The following ATG9B variants were observed in gnomAD, a reference collection of about 807,000 sequenced individuals.
The protein encoded by ATG9B is autophagy related 9B, also known as autophagy-related protein 9B.
In ATG9B, 92 loss-of-function variants were observed where a neutral mutation model predicts 92.9. The ratio of observed to expected loss-of-function variants is 0.99; its 90% CI spans 0.84 to 1.18. The LOEUF (loss-of-function observed/expected upper bound fraction) is 1.18, where lower values mean the gene tolerates loss of function less well. Ranked by LOEUF, ATG9B falls within the 50% of genes most tolerant of loss-of-function variation. The pLI is 0.00. For missense variants in ATG9B, 1,344 were observed against 1,235.0 expected (o/e 1.09, Z -1.32); for synonymous variants, 599 against 551.4 (o/e 1.09, Z -1.21).
At chr7:151,023,423 G>C in intron 3 of ATG9B, 22 bp downstream of exon 3, 2 of 1,612,150 alleles carry the variant, frequency 1.2e-6, no homozygotes, top group Non-Finnish European at 1.7e-6. Flanking sequence ...ACCGAGTTCC[G>C]GGCCCGGGCT....
Position 151,018,301 on chromosome 7 carries a change from T to C in ATG9B, c.1865A>G (p.Tyr622Cys). 2 of 1,568,724 alleles carry C rather than the reference T, an allele frequency of 1.3e-6. No homozygotes were observed. Among genetic ancestry groups the C allele is most frequent in the Non-Finnish European group, 1.7e-6 (2 of 1,164,770 alleles). ...CGTCGCGCCCACCCTCACCGCTCGGTACTGCAGCAGCTGCGCCATCTGCCG... is the reference window on the plus strand; with the variant it reads ...CGTCGCGCCCACCCTCACCGCTCGGCACTGCAGCAGCTGCGCCATCTGCCG... The part of the protein sequence containing the change: ...AYRQMAQLLQ[Y>C]RAVSLLEELL... The change falls in exon 7 of 14, where the codon TAC becomes TGC. Residue 622 changes from tyrosine to cysteine, a missense_variant. Transcript: ENST00000639579. The surrounding 1 kb of genome is among the most constrained non-coding windows in gnomAD (Gnocchi z 4.7).
At position 151,017,870 on chromosome 7, in the gene ATG9B, C is replaced by A. The variant is rs1795566157; in HGVS notation, c.2052+1G>T. On this transcript the variant is annotated splice_donor_variant, in intron 8 of 13. Coordinates refer to ENST00000639579, the MANE Select transcript of ATG9B (RefSeq NM_001317056.2). LOFTEE classifies it high-confidence loss of function. The stretch of plus-strand genomic sequence containing the variant: ...CCCCAGGGCCAGGGAACGGCTCTGA[C>A]CTGAGGGTGTCCGTGGCGCTTCACA... The A allele has an allele frequency of 1.2e-6, 2 of 1,604,540 alleles. No individual in the cohort carries two copies. The highest frequency in any genetic ancestry group is 1.7e-5 in the Admixed American group (1 of 59,122).
In ATG9B at chr7:151,016,783, G is replaced by A. The variant is rs554801461; in HGVS notation, c.2328C>T (p.Leu776=). Residue 776 remains leucine, a synonymous_variant, in exon 10 of 14, where the codon CTC becomes CTT. Coordinates refer to ENST00000639579, the MANE Select transcript of ATG9B (RefSeq NM_001317056.2). ...AFLANLFVHP[L]LPPRDLSPTA... Reference sequence around the variant, plus strand: ...TCGGGCTCAGATCTCTCGGAGGCAGGAGAGGGTGCACGAAGAGGTTGGCCA... The same window carrying A: ...TCGGGCTCAGATCTCTCGGAGGCAGAAGAGGGTGCACGAAGAGGTTGGCCA... 5 of 1,612,620 alleles carry A rather than the reference G, an allele frequency of 3.1e-6. No homozygotes were observed. The highest frequency in any genetic ancestry group is 2.2e-5 in the East Asian group (1 of 44,878).
At position 151,018,633 on chromosome 7, in the gene ATG9B, C is replaced by T. The variant is rs752806699; in HGVS notation, c.1705G>A (p.Ala569Thr). ...LTAMTALGVTATVARSFIPEE... is the reference protein window; with the variant it reads ...LTAMTALGVTTTVARSFIPEE... ...CTGCCGTCGCACCTGGCGACGGTGG[C>T]GGTGACCCCGAGCGCGGTCATGGCG... The change falls in exon 6 of 14, where the codon GCC becomes ACC. Residue 569 changes from alanine to threonine, a missense_variant. Physicochemically the swap from Ala to Thr is moderately conservative, Grantham distance 58 (BLOSUM62 0). Transcript: ENST00000639579. The surrounding 1 kb of genome is among the most constrained non-coding windows in gnomAD (Gnocchi z 4.7). The T allele has an allele frequency of 6.9e-6, 11 of 1,604,852 alleles. No homozygotes were observed. The highest frequency in any genetic ancestry group is 7.6e-6 in the Non-Finnish European group (9 of 1,178,386).
chr7:151,016,606 C>G (rs979165922), intron 10 of ATG9B, 79 bp from the exon 11 acceptor site: 3 of 1,544,840 alleles, frequency 1.9e-6, no homozygotes, highest in African/African-American at 1.4e-5. Flanking sequence ...CTGAATCCCC[C>G]CTCAGCGCCC....
Position 151,016,468 on chromosome 7 carries a change from G to T in ATG9B, c.2483C>A (p.Ser828Tyr). 1 of 1,551,516 alleles carries T rather than the reference G, an allele frequency of 6.4e-7. No homozygotes were observed. The highest frequency in any genetic ancestry group is 8.7e-7 in the Non-Finnish European group (1 of 1,146,988). Residue 828 changes from serine to tyrosine, a missense_variant, in exon 11 of 14, where the codon TCT (serine) becomes TAT (tyrosine). Coordinates refer to ENST00000639579, the MANE Select transcript of ATG9B (RefSeq NM_001317056.2). ...QKLAQLPELA[S>Y]AEMSLHVIYL... ...GATGACATGGAGACTCATCTCGGCA[G>T]AAGCAAGTTCTGGGAGCTGGGCCAG...
In ATG9B at chr7:151,018,928, C is replaced by G; in HGVS notation, c.1410G>C (p.Arg470=). Residue 470 remains arginine, a synonymous_variant, in exon 6 of 14, where the codon CGG becomes CGC. Transcript: ENST00000639579. The surrounding 1 kb of genome is among the most constrained non-coding windows in gnomAD (Gnocchi z 4.7). The part of the protein sequence containing the change: ...HVFYSHVELL[R]REPGALGARG... Reference sequence around the variant, plus strand: ...GCGCCCCCAGCGCGCCAGGCTCGCGCCGCAGCAGCTCCACGTGGCTATAGA... The same window carrying G: ...GCGCCCCCAGCGCGCCAGGCTCGCGGCGCAGCAGCTCCACGTGGCTATAGA... The G allele has an allele frequency of 6.5e-7, 1 of 1,532,976 alleles. No individual in the cohort carries two copies. The highest frequency in any genetic ancestry group is 8.7e-7 in the Non-Finnish European group (1 of 1,148,746). 95.0% of individuals were successfully genotyped at this position (1,532,976 alleles called of 1,614,324 possible). A position where few individuals can be genotyped will look rare whatever the true frequency, so the allele number is the denominator to read the frequency against.
intron 5 of ATG9B, 137 bp from the exon 6 acceptor site, chr7:151,019,511 A>G: frequency 8.5e-7 from 1 of 1,173,028 alleles, no homozygotes; most frequent in Non-Finnish European, 1.1e-6. Flanking sequence ...ACCAAGCTAC[A>G]TCGTCCCCCT....
rs1436644747 is a variant in ATG9B, at chr7:151,015,701, G to A, written c.*27C>T. ...CACCCTCCAATCTCCTGTGGCTGCC[G>A]AAGCCAGGGTACCTGTGGGAGGAGA... On this transcript the variant is annotated 3_prime_UTR_variant, in exon 14 of 14. Transcript: ENST00000639579. 5.0e-6 allele frequency: 4 copies of A among 805,900 alleles called. No homozygotes were observed. Among genetic ancestry groups the A allele is most frequent in the East Asian group, 3.1e-5 (1 of 32,436 alleles). 49.9% of individuals were successfully genotyped at this position (805,900 alleles called of 1,614,324 possible).
intron 12 of ATG9B, 34 bp from the exon 13 acceptor site, chr7:151,016,057 T>C (rs756199054): frequency 1.3e-5 from 20 of 1,549,438 alleles, no homozygotes; most frequent in Admixed American, 2.0e-5. Flanking sequence ...GGCAGTTCCA[T>C]GATGCCCAGT....
At position 151,018,974 on chromosome 7, in the gene ATG9B, G is replaced by C. The variant is rs747649116; in HGVS notation, c.1364C>G (p.Ala455Gly). 6.3e-7 allele frequency: 1 copy of C among 1,579,044 alleles called. No individual in the cohort carries two copies. The highest frequency in any genetic ancestry group is 8.6e-7 in the Non-Finnish European group (1 of 1,167,418). The change falls in exon 6 of 14, where the codon GCC becomes GGC. Residue 455 changes from alanine to glycine, a missense_variant. Ala to Gly is a moderately conservative substitution (Grantham distance 60). Coordinates refer to ENST00000639579, the MANE Select transcript of ATG9B (RefSeq NM_001317056.2). This position sits in a 1 kb window ranked among gnomAD's most constrained non-coding sequence, Gnocchi z 4.7. ...LNLALSPLVL[A>G]WQVLHVFYSH... Reference sequence around the variant, plus strand: ...ATAGAAGACGTGCAGAACCTGCCAGGCCAGCACCAGCGGGCTCAGCGCCAG... The same window carrying C: ...ATAGAAGACGTGCAGAACCTGCCAGCCCAGCACCAGCGGGCTCAGCGCCAG...
intron 4 of ATG9B, among the ~76,000 whole-genome samples, chr7:151,022,733 G>A (rs1795796704): frequency 6.6e-6 from 1 of 151,840 alleles, no homozygotes; most frequent in South Asian, 2.1e-4. Context: ...CTACTGGGGA[G>A]GCTGAGGCAG....
Position 151,018,227 on chromosome 7 carries a change from A to T in ATG9B, c.1872+67T>A, listed in dbSNP as rs1795587042. The T allele has an allele frequency of 2.7e-6, 4 of 1,504,252 alleles. No individual in the cohort carries two copies. The South Asian group carries it at 5.3e-5, about 20-fold the overall frequency. 93.2% of individuals were successfully genotyped at this position (1,504,252 alleles called of 1,614,324 possible). A position where few individuals can be genotyped will look rare whatever the true frequency, so the allele number is the denominator to read the frequency against. On this transcript the variant is annotated intron_variant, in intron 7 of 13. Coordinates refer to ENST00000639579, the MANE Select transcript of ATG9B (RefSeq NM_001317056.2). The surrounding 1 kb of genome is among the most constrained non-coding windows in gnomAD (Gnocchi z 4.7). ...CCTCTCCCAGACAGACCCTCCGCGC[A>T]GACAGACCCTCCGCGCAGACAGACC...
At chr7:151,013,157 C>T (rs1250332944), downstream of ATG9B, 9 of 1,504,236 alleles carry the variant, frequency 6.0e-6, no homozygotes, top group Admixed American at 2.0e-5. Flanking sequence ...GGCTGGGCGA[C>T]GGTGGCCTGT....
rs1188783256 is a variant in ATG9B, at chr7:151,018,773, G to A, written c.1565C>T (p.Pro522Leu). ...CTGGCGGGCCAGCAGCGTGCGCAGG[G>A]GCGCGGGGGGCGCAGCGGTGCGCAG... ...AFLRTAAPPA[P>L]LRTLLARQLV... Residue 522 changes from proline to leucine, a missense_variant, in exon 6 of 14, where the codon CCC becomes CTC. Coordinates refer to ENST00000639579, the MANE Select transcript of ATG9B (RefSeq NM_001317056.2). This position sits in a 1 kb window ranked among gnomAD's most constrained non-coding sequence, Gnocchi z 4.7. 6.9e-7 allele frequency: 1 copy of A among 1,452,248 alleles called. No homozygotes were observed. Among genetic ancestry groups the A allele is most frequent in the East Asian group, 2.9e-5 (1 of 33,980 alleles). The allele number at this position is 1,452,248 out of a possible 1,614,324, so 90.0% of individuals were successfully genotyped here. A position where few individuals can be genotyped will look rare whatever the true frequency, so the allele number is the denominator to read the frequency against.
rs1795810269 is a variant in ATG9B at position 151,023,087 on chromosome 7, G to A, written c.779C>T (p.Thr260Ile). 3 of 1,614,148 alleles carry A rather than the reference G, an allele frequency of 1.9e-6. No homozygotes were observed. Reference sequence around the variant, plus strand: ...TGAGGGTAGGATGGCATCTGACAGGGTCACTTTGCTGTGGAACGGCCCAGG... The same window carrying A: ...TGAGGGTAGGATGGCATCTGACAGGATCACTTTGCTGTGGAACGGCCCAGG... Reference protein sequence around the residue: ...TRPGPFHSKVTLSDAILPSAQ... With the variant: ...TRPGPFHSKVILSDAILPSAQ... Residue 260 changes from threonine (T) to isoleucine (I), a missense_variant, in exon 4 of 14, where the codon ACC becomes ATC. By Grantham distance (89) the Thr-to-Ile change is moderately conservative (BLOSUM62 -1). Transcript: ENST00000639579.
intron 5 of ATG9B, chr7:151,020,904 T>G: frequency 1.0e-5 from 3 of 291,480 alleles, no homozygotes; most frequent in Non-Finnish European, 1.3e-5. Context: ...TAACTGCCCT[T>G]TCTCTTTTCT....
chr7:151,013,147 G>C, downstream of ATG9B: 1 of 1,474,478 alleles, frequency 6.8e-7, no homozygotes, highest in Non-Finnish European at 9.2e-7. Context: ...TGGGCTGCCA[G>C]GCTGGGCGAC....
chr7:151,012,306 A>C, downstream of ATG9B: 1 of 1,465,638 alleles, frequency 6.8e-7, no homozygotes, highest in South Asian at 1.2e-5. Context: ...AGAATGGTGG[A>C]GCAGGAAAGG....
Sources: gnomAD v4.1 joint callset for allele counts (sites outside exome capture counted in the v4.1 genomes callset) on GRCh38, gnomAD v4.1.1 for gene constraint, Gnocchi (gnomAD v3.1) non-coding constraint, MANE v1.5 for transcripts, NCBI Gene and HGNC (gene_info 2026-07-23, HGNC 2026-07-21) for gene names.